SAMTOR: variants seen among roughly 807,000 people sequenced by gnomAD.
SAMTOR encodes the protein S-adenosylmethionine sensor upstream of mTORC1, also known as UPF0532 protein C7orf60.
chr7:112,859,925 A>G, the SAMTOR span, among the ~76,000 whole-genome samples: 1 of 152,194 alleles, frequency 6.6e-6, no homozygotes, highest in Non-Finnish European at 1.5e-5. Context: ...AGTGTTTATA[A>G]AGTCTATAGT....
chr7:112,850,268 ATAT>A, the SAMTOR span, among the ~76,000 whole-genome samples: 8 of 152,262 alleles, frequency 5.3e-5, no homozygotes, highest in East Asian at 1.5e-3. Flanking sequence ...TATTCATGGT[ATAT>A]TATATTTTTG....
At chr7:112,939,522 G>C in the SAMTOR span, 2 of 1,608,300 alleles carry the variant, frequency 1.2e-6, no homozygotes, top group Non-Finnish European at 1.7e-6. Flanking sequence ...CTTTGGAGGA[G>C]GGAAGAGGTG....
At chr7:112,902,635 T>C in the SAMTOR span, among the ~76,000 whole-genome samples, 1 of 152,026 alleles carries the variant, frequency 6.6e-6, no homozygotes, top group East Asian at 1.9e-4. Flanking sequence ...GGACTTTGGG[T>C]GATAATGATC....
At chr7:112,870,280 A>T in the SAMTOR span, among the ~76,000 whole-genome samples, 1 of 152,152 alleles carries the variant, frequency 6.6e-6, no homozygotes, top group Non-Finnish European at 1.5e-5. Context: ...CAAAAGAAAA[A>T]ATCTCAAAGA....
the SAMTOR span, chr7:112,821,792 G>A: frequency 3.1e-6 from 5 of 1,613,010 alleles, no homozygotes; most frequent in Non-Finnish European, 4.2e-6. Context: ...AAGGAATAGA[G>A]CTGGCTTGAC....
At chr7:112,888,531 T>C in the SAMTOR span, among the ~76,000 whole-genome samples, 1 of 152,110 alleles carries the variant, frequency 6.6e-6, no homozygotes, top group Non-Finnish European at 1.5e-5. Context: ...GTAATCATGT[T>C]ATACACATAT....
the SAMTOR span, among the ~76,000 whole-genome samples, chr7:112,919,620 G>C: frequency 3.9e-5 from 6 of 152,206 alleles, no homozygotes; most frequent in East Asian, 1.2e-3. Flanking sequence ...GAAGAAAATA[G>C]AGACACAAAA....
chr7:112,879,187 T>A, the SAMTOR span, among the ~76,000 whole-genome samples: 1 of 149,274 alleles, frequency 6.7e-6, no homozygotes, highest in Non-Finnish European at 1.5e-5. Flanking sequence ...CAGAGAGGTC[T>A]AGTGGGCAAC....
chr7:112,916,616 T>C, the SAMTOR span, among the ~76,000 whole-genome samples: 16 of 152,096 alleles, frequency 1.1e-4, no homozygotes, highest in East Asian at 2.7e-3. Flanking sequence ...CAGTGCACCG[T>C]GTGGGAGCCG....
chr7:112,827,181 T>C, the SAMTOR span, among the ~76,000 whole-genome samples: 746 of 152,320 alleles, frequency 4.9e-3, 2 homozygotes, highest in Middle Eastern at 0.02. Flanking sequence ...TTGAAGTACA[T>C]TTCTTATGGG....
the SAMTOR span, among the ~76,000 whole-genome samples, chr7:112,833,055 C>T: frequency 3.3e-5 from 5 of 152,250 alleles, no homozygotes; most frequent in East Asian, 9.6e-4. Flanking sequence ...GGATTAGAGG[C>T]GTGAGCCACT....
At chr7:112,834,382 C>CT in the SAMTOR span, among the ~76,000 whole-genome samples, 102 of 142,510 alleles carry the variant, frequency 7.2e-4, no homozygotes, top group Non-Finnish European at 8.7e-4. Flanking sequence ...ATACACTTTA[C>CT]TTTTTTTTTT....
the SAMTOR span, among the ~76,000 whole-genome samples, chr7:112,929,167 A>G: frequency 6.6e-5 from 10 of 152,060 alleles, 1 homozygote; most frequent in South Asian, 1.9e-3. Flanking sequence ...TAAGATAAAA[A>G]TATATTTACA....
At chr7:112,939,817 G>GGGTAGGAGGAGGGAGCTGC in the SAMTOR span, 6 of 1,311,526 alleles carry the variant, frequency 4.6e-6, no homozygotes, top group African/African-American at 1.5e-5. Flanking sequence ...GGAGGAGGTG[G>GGGTAGGAGGAGGGAGCTGC]GGTAGGAGGA....
the SAMTOR span, among the ~76,000 whole-genome samples, chr7:112,827,722 T>C: frequency 6.6e-6 from 1 of 152,132 alleles, no homozygotes; most frequent in Non-Finnish European, 1.5e-5. Context: ...TATTGTTGTA[T>C]TGTTATTTTT....
the SAMTOR span, among the ~76,000 whole-genome samples, chr7:112,847,793 T>C: frequency 6.7e-6 from 1 of 150,074 alleles, no homozygotes; most frequent in East Asian, 2.0e-4. Context: ...GAAAAGAAAA[T>C]ATTACAACTA....
At chr7:112,909,132 T>A in the SAMTOR span, among the ~76,000 whole-genome samples, 2 of 152,240 alleles carry the variant, frequency 1.3e-5, no homozygotes, top group Non-Finnish European at 2.9e-5. Context: ...TAATGTCCAA[T>A]GCCTTCATTA....
chr7:112,868,415 T>A, the SAMTOR span, among the ~76,000 whole-genome samples: 1 of 152,158 alleles, frequency 6.6e-6, no homozygotes, highest in Non-Finnish European at 1.5e-5. Flanking sequence ...GCTGGTTACA[T>A]GAATGAAAGC....
the SAMTOR span, among the ~76,000 whole-genome samples, chr7:112,887,156 A>C: frequency 1.3e-5 from 2 of 151,994 alleles, no homozygotes. Context: ...TGGGCTACAG[A>C]GCGAGACTCC....
Sources: gnomAD v4.1 joint callset for allele counts (sites outside exome capture counted in the v4.1 genomes callset) on GRCh38, gnomAD v4.1.1 for gene constraint, MANE v1.5 for transcripts, NCBI Gene and HGNC (gene_info 2026-07-23, HGNC 2026-07-21) for gene names.